ABCC1: variants seen among roughly 807,000 people sequenced by gnomAD.
The protein encoded by ABCC1 is multidrug resistance-associated protein 1.
ABCC1 carries 83 observed loss-of-function variants against 172.9 expected under a neutral mutation model. The ratio of observed to expected loss-of-function variants is 0.48; its 90% CI spans 0.40 to 0.58. The LOEUF is 0.58. Among genes scored for constraint, ABCC1 ranks in the 20% least tolerant of loss-of-function variants. The pLI, the probability that ABCC1 is intolerant of heterozygous loss-of-function variation, is 0.00. For missense variants in ABCC1, 1,817 were observed against 2,002.7 expected (o/e 0.91, Z 1.77); for synonymous variants, 937 against 825.2 (o/e 1.14, Z -2.32).
At chr16:16,075,132 A>G (rs1434403903) in intron 14 of ABCC1, among the ~76,000 whole-genome samples, 3 of 151,732 alleles carry the variant, frequency 2.0e-5, no homozygotes, top group Admixed American at 2.0e-4. Flanking sequence ...TTTAGTAGAG[A>G]TGGGGTTTCA....
chr16:16,060,040 G>A (rs533189734), intron 12 of ABCC1, among the ~76,000 whole-genome samples: 2 of 152,014 alleles, frequency 1.3e-5, no homozygotes, highest in African/African-American at 2.4e-5. Flanking sequence ...CTCATGGGCC[G>A]TATGTAAACA....
At chr16:16,001,286 A>T (rs1201269704) in intron 1 of ABCC1, among the ~76,000 whole-genome samples, 1 of 152,018 alleles carries the variant, frequency 6.6e-6, no homozygotes, top group Non-Finnish European at 1.5e-5. Flanking sequence ...ATCTCGGCTC[A>T]CTGCAAGCTC....
At position 16,125,949 on chromosome 16, in the gene ABCC1, G is replaced by A. The variant is rs757508540; in HGVS notation, c.3819+38G>A. The A allele has an allele frequency of 2.6e-6, 4 of 1,535,554 alleles. No homozygotes were observed. The South Asian group carries it at 3.4e-5, about 13-fold the overall frequency. On this transcript the variant is annotated intron_variant, in intron 26 of 30. Transcript: ENST00000399410. ...CCCTGGCTGGACCTCTTGGTCTTTG[G>A]TGTAGCTTTACCCCAAGGAGATCTC...
intron 6 of ABCC1, among the ~76,000 whole-genome samples, chr16:16,036,127 G>A (rs1299628812): frequency 6.6e-6 from 1 of 150,942 alleles, no homozygotes; most frequent in Non-Finnish European, 1.5e-5. Context: ...CTCTCTCCAA[G>A]TAAATAAATG....
chr16:16,124,054 C>CTATTTTAAAGGGTAAAATAGTA (rs1196373534), intron 24 of ABCC1, among the ~76,000 whole-genome samples: 2 of 152,098 alleles, frequency 1.3e-5, no homozygotes, highest in African/African-American at 4.8e-5. Context: ...ATTTCTGTTT[C>CTATTTTAAAGGGTAAAATAGTA]TATTTTAAAG....
At chr16:16,066,263 C>T (rs576629573) in intron 12 of ABCC1, among the ~76,000 whole-genome samples, 2 of 152,098 alleles carry the variant, frequency 1.3e-5, no homozygotes, top group South Asian at 2.1e-4. Flanking sequence ...CTCACTACAA[C>T]GTTTGCCTCC....
Position 16,138,294 on chromosome 16 carries a change from C to T in ABCC1, c.4293-70C>T, listed in dbSNP as rs1424615056. 15 of 1,460,946 alleles carry T rather than the reference C, an allele frequency of 1.0e-5. No homozygotes were observed. The South Asian group carries it at 2.0e-4, about 20-fold the overall frequency. The allele number at this position is 1,460,946 out of a possible 1,614,324, so 90.5% of individuals were successfully genotyped here. A position where few individuals can be genotyped will look rare whatever the true frequency, so the allele number is the denominator to read the frequency against. ...AGTGTCTCCTTTCGCTTCTCCCAGC[C>T]TGGGCCTAGGTTCAGGGTCAGGGGT... On this transcript the variant is annotated intron_variant, in intron 29 of 30. Coordinates refer to ENST00000399410, the MANE Select transcript of ABCC1 (RefSeq NM_004996.4).
Position 16,131,722 on chromosome 16 carries a change from C to G in ABCC1, c.3820-67C>G, listed in dbSNP as rs189862061. The G allele has an allele frequency of 1.2e-3, 1,867 of 1,564,040 alleles. 1 individual carries two copies. The highest frequency in any genetic ancestry group is 1.4e-3 in the Non-Finnish European group (1,562 of 1,151,196). On this transcript the variant is annotated intron_variant, in intron 26 of 30. Transcript: ENST00000399410. ...CAGCAGAGTGAGTGAGAGGGGAGGT[C>G]AGGGGAGTCACAGCTTTACCAGATG...
chr16:16,078,145 G>A (rs1401893165), intron 15 of ABCC1, among the ~76,000 whole-genome samples: 1 of 152,216 alleles, frequency 6.6e-6, no homozygotes, highest in Non-Finnish European at 1.5e-5. Context: ...GCCACAGAGT[G>A]AGACTCTTGT....
At chr16:16,132,382 C>T (rs942660327) in intron 27 of ABCC1, among the ~76,000 whole-genome samples, 4 of 151,162 alleles carry the variant, frequency 2.6e-5, no homozygotes, top group Admixed American at 2.6e-4. Context: ...CTATGTTGTC[C>T]AGGCTGATCT....
At chr16:16,086,739 G>T in intron 17 of ABCC1, 85 bp from the exon 18 acceptor site, 1 of 1,514,576 alleles carries the variant, frequency 6.6e-7, no homozygotes, top group Non-Finnish European at 9.0e-7. Flanking sequence ...AAAGTTCTGG[G>T]ATCACACCAC....
chr16:16,077,694 T>A (rs2050634629), intron 15 of ABCC1, among the ~76,000 whole-genome samples: 1 of 152,032 alleles, frequency 6.6e-6, no homozygotes, highest in Admixed American at 6.6e-5. Flanking sequence ...AATGAAACAA[T>A]CAGTGACAGC....
At chr16:16,133,445 C>G (rs992634080) in intron 27 of ABCC1, among the ~76,000 whole-genome samples, 2 of 151,874 alleles carry the variant, frequency 1.3e-5, no homozygotes, top group Admixed American at 1.3e-4. Context: ...ACTCTGTCAC[C>G]CAGGCTGGAG....
chr16:15,961,409 C>G (rs1328846062), intron 1 of ABCC1, among the ~76,000 whole-genome samples: 1 of 152,124 alleles, frequency 6.6e-6, no homozygotes, highest in African/African-American at 2.4e-5. Flanking sequence ...GGAGGAAGAT[C>G]TTGTACTGCA....
intron 16 of ABCC1, among the ~76,000 whole-genome samples, chr16:16,081,028 C>T (rs1474660076): frequency 6.6e-6 from 1 of 152,094 alleles, no homozygotes; most frequent in Non-Finnish European, 1.5e-5. Flanking sequence ...TTACTGCACC[C>T]GGCTAATTTT....
At chr16:16,037,462 G>A (rs1357579976) in intron 7 of ABCC1, among the ~76,000 whole-genome samples, 3 of 150,074 alleles carry the variant, frequency 2.0e-5, no homozygotes, top group Non-Finnish European at 2.9e-5. Context: ...TGCGTGATGC[G>A]TTATTATTCT....
chr16:16,018,145 G>T (rs561129517), intron 5 of ABCC1, among the ~76,000 whole-genome samples: 1 of 152,292 alleles, frequency 6.6e-6, no homozygotes, highest in East Asian at 1.9e-4. Context: ...GTTCTGTTGG[G>T]TTTGGCCTAA....
chr16:16,029,191 C>A (rs875740), intron 5 of ABCC1, among the ~76,000 whole-genome samples: 90,364 of 152,008 alleles, frequency 0.59, 27,260 homozygotes, highest in Non-Finnish European at 0.66. Context: ...AGTAGACAGC[C>A]TAGGATAATG....
intron 23 of ABCC1, among the ~76,000 whole-genome samples, chr16:16,119,645 T>C (rs1404936853): frequency 6.6e-6 from 1 of 152,102 alleles, no homozygotes; most frequent in South Asian, 2.1e-4. Flanking sequence ...GAGCCAAGAT[T>C]GTGCCACTGC....
Sources: gnomAD v4.1 joint callset for allele counts (sites outside exome capture counted in the v4.1 genomes callset) on GRCh38, gnomAD v4.1.1 for gene constraint, MANE v1.5 for transcripts, NCBI Gene and HGNC (gene_info 2026-07-23, HGNC 2026-07-21) for gene names.